Variants in RREB1 observed in about 807,000 individuals in gnomAD.
RREB1 encodes ras responsive element binding protein 1.
Under a neutral mutation model 117.8 loss-of-function variants are expected in RREB1, and 27 were observed. The ratio of observed to expected loss-of-function variants is 0.23; its 90% confidence interval spans 0.17 to 0.32. The LOEUF is 0.32. RREB1 is among the 10% of genes least tolerant of loss of function. RREB1 has a pLI of 1.00. For missense variants in RREB1, 2,577 were observed against 2,378.2 expected (o/e 1.08, Z -1.74); for synonymous variants, 1,298 against 1,026.7 (o/e 1.26, Z -5.05).
At chr6:7,180,160 A>T (rs1320807018) in intron 2 of RREB1, among the ~76,000 whole-genome samples, 1 of 152,152 alleles carries the variant, frequency 6.6e-6, no homozygotes. Context: ...AAACCATTTG[A>T]TTCACATCTT....
At chr6:7,172,686 C>T (rs1199923895) in intron 1 of RREB1, among the ~76,000 whole-genome samples, 4 of 141,052 alleles carry the variant, frequency 2.8e-5, no homozygotes, top group Admixed American at 2.0e-4. Flanking sequence ...CACGGGTTGC[C>T]GGTGTGGGGG....
chr6:7,108,578 CCT>C (rs1760953097), intron 1 of RREB1: 1 of 152,444 alleles, frequency 6.6e-6, no homozygotes, highest in South Asian at 2.1e-4. Context: ...CATCTTCCGC[CCT>C]CTCTCCCTCG....
rs769826334 is a variant in RREB1 at position 7,230,739 on chromosome 6, C to G, written c.2640C>G (p.Pro880=). Residue 880 remains proline, a synonymous_variant, in exon 10 of 13, where the codon CCC becomes CCG. Coordinates refer to ENST00000379938, the MANE Select transcript of RREB1 (RefSeq NM_001003699.4). ...GGGGCCCCACCCAGCCTCCACCTCC[C>G]CATGTCTCGATCAAGTTGGAGCCCG... ...LHRGPTQPPP[P]HVSIKLEPAS... is the part of the protein sequence containing the mutation. The G allele has an allele frequency of 1.9e-6, 3 of 1,607,248 alleles. No homozygotes were observed. The highest frequency in any genetic ancestry group is 1.7e-4 in the Middle Eastern group (1 of 6,026).
chr6:7,147,844 G>T (rs1762941385), intron 1 of RREB1, among the ~76,000 whole-genome samples: 1 of 150,908 alleles, frequency 6.6e-6, no homozygotes. Context: ...AGAAACATCA[G>T]TGAGTTCAGG....
intron 8 of RREB1, chr6:7,216,628 C>G (rs1187442918): frequency 6.6e-6 from 1 of 152,270 alleles, no homozygotes; most frequent in African/African-American, 2.4e-5. Context: ...CTACCACCTA[C>G]AGAGACCCCA....
At chr6:7,148,688 A>G (rs1266716170) in intron 1 of RREB1, among the ~76,000 whole-genome samples, 1 of 152,190 alleles carries the variant, frequency 6.6e-6, no homozygotes, top group Non-Finnish European at 1.5e-5. Flanking sequence ...GAAGTTTGAA[A>G]GATACTTTAG....
chr6:7,120,007 C>T (rs1192335980), intron 1 of RREB1, among the ~76,000 whole-genome samples: 2 of 151,934 alleles, frequency 1.3e-5, no homozygotes, highest in East Asian at 1.9e-4. Flanking sequence ...GATGATGATG[C>T]CTCTGACAGT....
intron 4 of RREB1, among the ~76,000 whole-genome samples, chr6:7,186,072 A>C (rs1211668270): frequency 6.6e-6 from 1 of 152,226 alleles, no homozygotes; most frequent in Non-Finnish European, 1.5e-5. Context: ...CATTCAAATG[A>C]ATGCAAGTAA....
chr6:7,211,481 AT>A (rs1249509389), intron 7 of RREB1, 91 bp from the exon 8 acceptor site: 4 of 1,174,086 alleles, frequency 3.4e-6, no homozygotes, highest in Non-Finnish European at 5.0e-6. Context: ...GCCTTTTATT[AT>A]TGTAAATCTC....
chr6:7,113,517 G>T (rs1761249483), intron 1 of RREB1, among the ~76,000 whole-genome samples: 1 of 152,182 alleles, frequency 6.6e-6, no homozygotes, highest in Admixed American at 6.5e-5. Context: ...TTCATGCTGA[G>T]AGGAACACTG....
At chr6:7,226,912 C>T (rs765694634) in intron 9 of RREB1, among the ~76,000 whole-genome samples, 4 of 152,100 alleles carry the variant, frequency 2.6e-5, no homozygotes, top group Admixed American at 2.0e-4. Context: ...CTCTTCTGTG[C>T]CTTTTGTCCG....
In RREB1 at chr6:7,154,029, A is replaced by G. The variant is rs1338446236; in HGVS notation, c.-284-22626A>G. 2.6e-5 allele frequency among the ~76,000 whole-genome samples: 4 copies of G among 152,250 alleles called. No homozygotes were observed. In the East Asian group the frequency reaches 5.8e-4, roughly 22 times the overall value. On this transcript the variant is annotated intron_variant, in intron 1 of 12. Transcript: ENST00000379938. Reference sequence around the variant, plus strand: ...TGCTCACAGCTCATTGGCCAGGACTAGTCATGTGACCTGCCTGACCACAAA... The same window carrying G: ...TGCTCACAGCTCATTGGCCAGGACTGGTCATGTGACCTGCCTGACCACAAA...
At position 7,175,315 on chromosome 6, in the gene RREB1, T is replaced by TGGA. The variant is rs1175422424; in HGVS notation, c.-284-1338_-284-1337insAGG. Among the ~76,000 whole-genome samples the TGGA allele has an allele frequency of 2.8e-5, 4 of 143,746 alleles. No homozygotes were observed. In the South Asian group the frequency reaches 8.9e-4, roughly 32 times the overall value. The allele number at this position is 143,746 out of a possible 152,430, so 94.3% of individuals were successfully genotyped here. A position where few individuals can be genotyped will look rare whatever the true frequency, so the allele number is the denominator to read the frequency against. ...GGGTTTCTAGGGTCCCTGACCCTCC[T>TGGA]GGTACTGAATGAAAATGTTGAGTAT... On this transcript the variant is annotated intron_variant, in intron 1 of 12. Transcript: ENST00000379938.
chr6:7,134,258 T>C (rs752074635), intron 1 of RREB1, among the ~76,000 whole-genome samples: 1 of 152,244 alleles, frequency 6.6e-6, no homozygotes, highest in Non-Finnish European at 1.5e-5. Flanking sequence ...ATCTGTCTTA[T>C]TACCCCAAAC....
At chr6:7,216,597 T>G (rs958881723) in intron 8 of RREB1, 4 of 152,200 alleles carry the variant, frequency 2.6e-5, no homozygotes, top group Admixed American at 6.5e-5. Flanking sequence ...CAAGGAATGT[T>G]TATCTCCCTT....
chr6:7,147,685 G>GAGAAC (rs2113412874), intron 1 of RREB1, among the ~76,000 whole-genome samples: 1 of 152,256 alleles, frequency 6.6e-6, no homozygotes, highest in Admixed American at 6.5e-5. Flanking sequence ...AATGCAGTAG[G>GAGAAC]AGAACAAAGT....
intron 1 of RREB1, among the ~76,000 whole-genome samples, chr6:7,143,283 C>T (rs1395748759): frequency 1.3e-5 from 2 of 152,162 alleles, no homozygotes; most frequent in Non-Finnish European, 2.9e-5. Flanking sequence ...AGTTGGAACT[C>T]TGACAGTTTT....
chr6:7,213,549 C>T (rs11759093), intron 8 of RREB1: 4,657 of 152,340 alleles, frequency 0.031, 99 homozygotes, highest in Non-Finnish European at 0.044. Context: ...CCCTCTAGTT[C>T]TGAGAGATTT....
chr6:7,245,700 T>G (rs1768963116), intron 11 of RREB1, among the ~76,000 whole-genome samples: 1 of 152,134 alleles, frequency 6.6e-6, no homozygotes, highest in Non-Finnish European at 1.5e-5. Context: ...GAACCCCTTG[T>G]CTTCACAGGC....
Sources: gnomAD v4.1 joint callset for allele counts (sites outside exome capture counted in the v4.1 genomes callset) on GRCh38, gnomAD v4.1.1 for gene constraint, MANE v1.5 for transcripts, NCBI Gene and HGNC (gene_info 2026-07-23, HGNC 2026-07-21) for gene names.